The following RGS12 variants were observed in gnomAD, a reference collection of about 807,000 sequenced individuals.
RGS12 encodes regulator of G-protein signaling 12.
RGS12 carries 66 observed loss-of-function variants against 120.1 expected under a neutral mutation model. The observed-to-expected ratio is 0.55, with a 90% confidence interval of 0.45 to 0.67. The LOEUF (loss-of-function observed/expected upper bound fraction) is 0.67. RGS12 is among the 30% of genes least tolerant of loss of function. The pLI is 0.00. For missense variants in RGS12, 1,859 were observed against 1,957.7 expected (o/e 0.95, Z 0.95); for synonymous variants, 827 against 804.7 (o/e 1.03, Z -0.47).
chr4:3,320,915 A>G (rs1442662926), intron 2 of RGS12, among the ~76,000 whole-genome samples: 1 of 152,198 alleles, frequency 6.6e-6, no homozygotes, highest in Admixed American at 6.5e-5. Context: ...GGATGCAGGA[A>G]GTGCCTGGAA....
intron 3 of RGS12, chr4:3,370,063 CTTCT>C (rs1716805420): frequency 7.9e-7 from 1 of 1,263,372 alleles, no homozygotes. Context: ...GTAAACGGCG[CTTCT>C]TTCTTTGGAT....
At chr4:3,421,989 A>G (rs886787270) in intron 10 of RGS12, among the ~76,000 whole-genome samples, 2 of 152,192 alleles carry the variant, frequency 1.3e-5, no homozygotes, top group Admixed American at 6.5e-5. Context: ...AACGATGTGC[A>G]TGGGGAGCTG....
intron 1 of RGS12, among the ~76,000 whole-genome samples, chr4:3,294,652 G>A (rs1405298277): frequency 6.6e-6 from 1 of 152,160 alleles, no homozygotes; most frequent in African/African-American, 2.4e-5. Flanking sequence ...GGGTGGCTGA[G>A]CCTGCACAAG....
At position 3,433,986 on chromosome 4, in the gene RGS12, G is replaced by C. The variant is rs187371932; in HGVS notation, c.4114+3031G>C. The stretch of plus-strand genomic sequence containing the variant: ...AAGCGGGAGAAGTGTCAGGCCCCTC[G>C]TGAGGCTCCAGGGCACGCTGGCAGA... On this transcript the variant is annotated intron_variant, in intron 17 of 17. Transcript: ENST00000336727. The surrounding 1 kb of genome is among the most constrained non-coding windows in gnomAD (Gnocchi z 4.4). 6.6e-6 allele frequency among the ~76,000 whole-genome samples: 1 copy of C among 152,234 alleles called. No individual in the cohort carries two copies. Among genetic ancestry groups the C allele is most frequent in the Non-Finnish European group, 1.5e-5 (1 of 68,038 alleles).
Position 3,317,562 on chromosome 4 carries a change from T to A in RGS12, c.1392T>A (p.Gly464=), listed in dbSNP as rs1225545279. The change falls in exon 2 of 18, where the codon GGT becomes GGA. Residue 464 remains glycine, a synonymous_variant. Coordinates refer to ENST00000336727, the MANE Select transcript of RGS12 (RefSeq NM_001394154.1). ...CGTGGGACGGTGTGGGTGGGAGGGG[T>A]GCCCAGCCCTGGGGTGCTCCCTGGA... is the stretch of plus-strand genomic sequence containing the variant. The part of the protein sequence containing the change: ...GSAWDGVGGR[G]AQPWGAPWTG... 6.2e-7 allele frequency: 1 copy of A among 1,606,414 alleles called. No homozygotes were observed. Among genetic ancestry groups the A allele is most frequent in the Non-Finnish European group, 8.5e-7 (1 of 1,177,746 alleles).
chr4:3,431,201 G>A, intron 17 of RGS12: 1 of 1,377,470 alleles, frequency 7.3e-7, no homozygotes, highest in Non-Finnish European at 9.3e-7. Context: ...TGTCCTGAGA[G>A]GCTCTTGCAG....
At chr4:3,290,953 C>T (rs1247250391), upstream of RGS12, among the ~76,000 whole-genome samples, 3 of 152,260 alleles carry the variant, frequency 2.0e-5, no homozygotes, top group Admixed American at 6.5e-5. Context: ...CTTCTGGGGG[C>T]CCTGGCTTTC....
chr4:3,393,676 G>T (rs949489560), intron 4 of RGS12, among the ~76,000 whole-genome samples: 1 of 152,092 alleles, frequency 6.6e-6, no homozygotes, highest in African/African-American at 2.4e-5. Context: ...GTCTTTTCCC[G>T]CAGGTTCTGA....
chr4:3,298,829 A>AT (rs1560636752), intron 1 of RGS12, among the ~76,000 whole-genome samples: 1 of 152,140 alleles, frequency 6.6e-6, no homozygotes, highest in South Asian at 2.1e-4. Context: ...ATTTTCACTT[A>AT]TTTTTTATGG....
chr4:3,425,448 C>T lies in RGS12; in HGVS notation c.3235-16C>T, dbSNP rs1723507194. The stretch of plus-strand genomic sequence containing the variant: ...TCCAGTCTGGGTAAATTATTCAGTG[C>T]TGATCTCTGCCCTAGAGTGGAGAGA... On this transcript the variant is annotated splice_polypyrimidine_tract_variant and intron_variant, in intron 13 of 17. Coordinates refer to ENST00000336727, the MANE Select transcript of RGS12 (RefSeq NM_001394154.1). The T allele has an allele frequency of 1.2e-6, 2 of 1,601,660 alleles. No homozygotes were observed. Among genetic ancestry groups the T allele is most frequent in the Non-Finnish European group, 1.7e-6 (2 of 1,170,076 alleles).
At chr4:3,381,592 G>A (rs1718261520) in intron 3 of RGS12, among the ~76,000 whole-genome samples, 1 of 152,188 alleles carries the variant, frequency 6.6e-6, no homozygotes, top group African/African-American at 2.4e-5. Context: ...GAGAAGTGCT[G>A]AGCAAAAGAG....
intron 2 of RGS12, among the ~76,000 whole-genome samples, chr4:3,328,059 A>G (rs1000999110): frequency 6.6e-6 from 1 of 152,266 alleles, no homozygotes; most frequent in Non-Finnish European, 1.5e-5. Flanking sequence ...CTATTCAGCC[A>G]TCAAAAGAAT....
At chr4:3,406,742 G>A (rs937837494) in intron 4 of RGS12, among the ~76,000 whole-genome samples, 5 of 152,198 alleles carry the variant, frequency 3.3e-5, no homozygotes, top group African/African-American at 9.6e-5. Flanking sequence ...GGCCCTGCTC[G>A]GCCTGGGGGC....
rs76920983 is a variant in RGS12, at chr4:3,334,068, T to C, written c.1882-8869T>C. On this transcript the variant is annotated intron_variant, in intron 2 of 17. Transcript: ENST00000336727. ...CATTATAAATGGTACCTTTTAAAAA[T>C]TGTAAATGCTTCAACCTGAGGAAGC... 2.3e-3 allele frequency among the ~76,000 whole-genome samples: 356 copies of C among 152,364 alleles called. 1 individual carries two copies. Among genetic ancestry groups the C allele is most frequent in the African/African-American group, 8.1e-3 (336 of 41,586 alleles).
chr4:3,391,898 A>G (rs1162282724), intron 4 of RGS12, among the ~76,000 whole-genome samples: 1 of 152,212 alleles, frequency 6.6e-6, no homozygotes, highest in African/African-American at 2.4e-5. Context: ...ACCAAGCCAT[A>G]TGCTCATAAT....
intron 1 of RGS12, among the ~76,000 whole-genome samples, chr4:3,306,127 A>C (rs1474434922): frequency 6.6e-6 from 1 of 152,234 alleles, no homozygotes; most frequent in East Asian, 1.9e-4. Context: ...GGGCCTGGCT[A>C]TTCCATGAGA....
At chr4:3,300,463 C>T (rs1453139345) in intron 1 of RGS12, among the ~76,000 whole-genome samples, 2 of 152,204 alleles carry the variant, frequency 1.3e-5, no homozygotes, top group African/African-American at 4.8e-5. Flanking sequence ...GACGTTGGCC[C>T]TGGGAGGAGG....
rs776585373 is a variant in RGS12, at chr4:3,318,028, C to G, written c.1858C>G (p.Arg620Gly). The G allele has an allele frequency of 1.3e-6, 2 of 1,598,608 alleles. No homozygotes were observed. Among genetic ancestry groups the G allele is most frequent in the East Asian group, 4.5e-5 (2 of 44,620 alleles). Reference protein sequence around the residue: ...QSIFGPHRNVRKTKEDKKGSK... With the variant: ...QSIFGPHRNVGKTKEDKKGSK... ...CATTTTTGGTCCCCATCGAAATGTTCGAAAGACTAAGGAAGATAAAAAGGT... is the reference window on the plus strand; with the variant it reads ...CATTTTTGGTCCCCATCGAAATGTTGGAAAGACTAAGGAAGATAAAAAGGT... The change falls in exon 2 of 18, where the codon CGA becomes GGA. Residue 620 changes from arginine to glycine, a missense_variant. This residue lies in a region of RGS12 where 967 missense variants were observed against 994.2 expected (regional missense o/e 0.97). Coordinates refer to ENST00000336727, the MANE Select transcript of RGS12 (RefSeq NM_001394154.1).
chr4:3,394,057 C>T (rs1251187295), intron 4 of RGS12, among the ~76,000 whole-genome samples: 5 of 152,228 alleles, frequency 3.3e-5, no homozygotes, highest in Non-Finnish European at 5.9e-5. Context: ...GAGACCAAGC[C>T]TCTGCCCGGC....
Sources: allele counts gnomAD v4.1 joint callset (sites outside exome capture counted in the v4.1 genomes callset), GRCh38; gene constraint gnomAD v4.1.1; regional missense constraint gnomAD v4.1.1; non-coding constraint Gnocchi (gnomAD v3.1); transcripts MANE v1.5; gene names NCBI Gene and HGNC (gene_info 2026-07-23, HGNC 2026-07-21).